The following LUZP2 variants were observed in gnomAD, a reference collection of about 807,000 sequenced individuals.
LUZP2 encodes leucine zipper protein 2.
LUZP2 carries 52 observed loss-of-function variants against 51.6 expected under a neutral mutation model. The observed-to-expected ratio is 1.01, with a 90% CI of 0.81 to 1.27. The LOEUF is 1.27. Among genes scored for constraint, LUZP2 ranks in the 50% most tolerant of loss-of-function variants. LUZP2 has a pLI of 0.00. For missense variants in LUZP2, 436 were observed against 395.4 expected (o/e 1.10, Z -0.87); for synonymous variants, 154 against 137.3 (o/e 1.12, Z -0.85).
At chr11:24,650,840 G>A (rs1244180597) in intron 1 of LUZP2, among the ~76,000 whole-genome samples, 1 of 152,028 alleles carries the variant, frequency 6.6e-6, no homozygotes, top group Non-Finnish European at 1.5e-5. Context: ...GCATTAATAT[G>A]CATCATAAGT....
intron 7 of LUZP2, among the ~76,000 whole-genome samples, chr11:24,933,662 T>C (rs1854517305): frequency 6.6e-6 from 1 of 152,180 alleles, no homozygotes; most frequent in African/African-American, 2.4e-5. Context: ...GGCCTTTTTT[T>C]GAGAAGAGTT....
Position 24,940,682 on chromosome 11 carries a change from G to A in LUZP2, c.522+26144G>A, listed in dbSNP as rs1854721855. 3.3e-5 allele frequency among the ~76,000 whole-genome samples: 5 copies of A among 152,178 alleles called. No homozygotes were observed. In the South Asian group the frequency reaches 1.0e-3, roughly 32 times the overall value. On this transcript the variant is annotated intron_variant, in intron 7 of 11. Transcript: ENST00000336930. Reference sequence around the variant, plus strand: ...GTGCACAATAATATTAGCTATTATTGTTCAAACAAAAGAGACAATTTTACT... The same window carrying A: ...GTGCACAATAATATTAGCTATTATTATTCAAACAAAAGAGACAATTTTACT...
intron 1 of LUZP2, among the ~76,000 whole-genome samples, chr11:24,500,103 C>T (rs909967067): frequency 6.6e-6 from 1 of 152,016 alleles, no homozygotes. Flanking sequence ...GCACAAAATC[C>T]CATAATTTAA....
intron 1 of LUZP2, among the ~76,000 whole-genome samples, chr11:24,560,924 T>C (rs1852019708): frequency 6.6e-6 from 1 of 152,082 alleles, no homozygotes; most frequent in African/African-American, 2.4e-5. Context: ...CTAAAACTGG[T>C]AAGAGTATTC....
Sources: gnomAD v4.1 joint callset for allele counts (sites outside exome capture counted in the v4.1 genomes callset) on GRCh38, gnomAD v4.1.1 for gene constraint, MANE v1.5 for transcripts, NCBI Gene and HGNC (gene_info 2026-07-23, HGNC 2026-07-21) for gene names.